The following BTG3 variants were observed in gnomAD, a reference collection of about 807,000 sequenced individuals.
BTG3 encodes protein BTG3.
A neutral mutation model predicts 25.8 loss-of-function variants in BTG3; 4 were observed. That is an observed-to-expected ratio of 0.16 (90% CI 0.08 to 0.36). The LOEUF (loss-of-function observed/expected upper bound fraction) is 0.36. Ranked by LOEUF, BTG3 falls within the 10% of genes least tolerant of loss-of-function variation. The probability of loss-of-function intolerance (pLI) is 1.00; values close to 1 mark genes in which losing one functional copy is unlikely to be tolerated. For synonymous variants in BTG3, 107 were observed against 99.9 expected, an observed-to-expected ratio of 1.07 and a Z score of -0.42; for missense variants, 201 against 304.9, an observed-to-expected ratio of 0.66 and a Z score of 2.54.
intron 3 of BTG3, among the ~76,000 whole-genome samples, chr21:17,600,918 C>T (rs2061564416): frequency 6.6e-6 from 1 of 152,164 alleles, no homozygotes; most frequent in South Asian, 2.1e-4. Flanking sequence ...AATCCCAGCA[C>T]TTTGGGAGGC....
intron 3 of BTG3, 122 bp from the exon 4 acceptor site, chr21:17,598,946 A>C (rs1010102542): frequency 5.3e-5 from 39 of 733,250 alleles, no homozygotes; most frequent in Non-Finnish European, 7.7e-5. Flanking sequence ...TCATCACAGA[A>C]CTTGACCCTA....
intron 3 of BTG3, among the ~76,000 whole-genome samples, chr21:17,602,129 TG>T (rs1273400012): frequency 1.3e-5 from 2 of 151,612 alleles, no homozygotes; most frequent in Non-Finnish European, 2.9e-5. Flanking sequence ...AACACTCTAT[TG>T]GGGGAAAAAA....
intron 3 of BTG3, among the ~76,000 whole-genome samples, chr21:17,601,612 C>T (rs2061575220): frequency 6.6e-6 from 1 of 152,220 alleles, no homozygotes; most frequent in South Asian, 2.1e-4. Context: ...TTCAAGTTTA[C>T]TTAGCATAAG....
At chr21:17,602,238 T>C (rs1167254407) in intron 3 of BTG3, among the ~76,000 whole-genome samples, 1 of 152,222 alleles carries the variant, frequency 6.6e-6, no homozygotes, top group Non-Finnish European at 1.5e-5. Context: ...AGGCAAGATT[T>C]ATTTTCTATT....
At chr21:17,597,440 T>A (rs777493722) in intron 4 of BTG3, among the ~76,000 whole-genome samples, 2 of 151,678 alleles carry the variant, frequency 1.3e-5, no homozygotes, top group Non-Finnish European at 2.9e-5. Flanking sequence ...GATCCTGAAG[T>A]ACAAATACTA....
intron 3 of BTG3, among the ~76,000 whole-genome samples, chr21:17,602,736 T>C (rs2061590071): frequency 1.3e-5 from 2 of 152,172 alleles, no homozygotes; most frequent in African/African-American, 4.8e-5. Flanking sequence ...AAGTAGCAGT[T>C]TTTTCCTACC....
intron 3 of BTG3, among the ~76,000 whole-genome samples, chr21:17,599,425 C>T (rs1260025154): frequency 1.3e-5 from 2 of 151,588 alleles, no homozygotes; most frequent in African/African-American, 4.9e-5. Flanking sequence ...AGAGATCCAC[C>T]CACTTCAGCT....
intron 2 of BTG3, among the ~76,000 whole-genome samples, chr21:17,607,667 C>T (rs768436596): frequency 3.3e-5 from 5 of 152,010 alleles, no homozygotes; most frequent in Non-Finnish European, 7.3e-5. Context: ...GAAAGGAAGT[C>T]CTTCTGACAT....
Position 17,603,334 on chromosome 21 carries a change from C to T in BTG3, c.311+1526G>A, listed in dbSNP as rs567769984. ...TCAGACCTAAATTTGAGATAGCTTG[C>T]TCCTTTTCTACCCGAGAAAGAAGTA... On this transcript the variant is annotated intron_variant, in intron 3 of 4. Coordinates refer to ENST00000348354, the MANE Select transcript of BTG3 (RefSeq NM_006806.5). Among the ~76,000 whole-genome samples, 5 of 152,138 alleles carry T rather than the reference C, an allele frequency of 3.3e-5. No homozygotes were observed. The South Asian group carries it at 8.3e-4, about 25-fold the overall frequency.
At chr21:17,603,929 A>G (rs1284778427) in intron 3 of BTG3, among the ~76,000 whole-genome samples, 1 of 152,170 alleles carries the variant, frequency 6.6e-6, no homozygotes, top group African/African-American at 2.4e-5. Context: ...TTTCTTCTCA[A>G]TTTCAAACTG....
chr21:17,608,924 C>A, intron 2 of BTG3, 48 bp downstream of exon 2: 1 of 1,567,248 alleles, frequency 6.4e-7, no homozygotes, highest in South Asian at 1.2e-5. Context: ...GCCTTGAACC[C>A]ACCTCAGGGG....
chr21:17,601,914 T>C (rs2061579225), intron 3 of BTG3, among the ~76,000 whole-genome samples: 2 of 152,188 alleles, frequency 1.3e-5, no homozygotes, highest in Admixed American at 1.3e-4. Flanking sequence ...GTTCTGCATT[T>C]TTCCCTTTGT....
chr21:17,608,985 C>T lies in BTG3; in HGVS notation c.160G>A (p.Gly54Arg). ...NHWYPEKPSK[G>R]QAYRCIRVNK... is the part of the protein sequence containing the mutation. Reference sequence around the variant, plus strand: ...CTAATCCTTTACCTGTAGGCCTGTCCTTTCGATGGTTTTTCTGGATACCAG... The same window carrying T: ...CTAATCCTTTACCTGTAGGCCTGTCTTTTCGATGGTTTTTCTGGATACCAG... The change falls in exon 2 of 5, where the codon GGA (glycine) becomes AGA (arginine). Residue 54 changes from glycine to arginine, a missense_variant. By Grantham distance (125) the Gly-to-Arg change is moderately radical. Transcript: ENST00000348354. 1 of 1,613,294 alleles carries T rather than the reference C, an allele frequency of 6.2e-7. No individual in the cohort carries two copies. The highest frequency in any genetic ancestry group is 8.5e-7 in the Non-Finnish European group (1 of 1,179,840).
At chr21:17,604,785 G>T in intron 3 of BTG3, 75 bp downstream of exon 3, 1 of 1,494,906 alleles carries the variant, frequency 6.7e-7, no homozygotes, top group Non-Finnish European at 9.0e-7. Context: ...TACACAGGCA[G>T]GCCGTACATG....
intron 3 of BTG3, chr21:17,604,134 C>G: frequency 4.7e-6 from 6 of 1,285,126 alleles, no homozygotes; most frequent in Non-Finnish European, 6.1e-6. Flanking sequence ...AAGTATCACT[C>G]AGTCACTTAC....
chr21:17,611,165 T>C (rs1429585214), intron 1 of BTG3, among the ~76,000 whole-genome samples: 1 of 152,232 alleles, frequency 6.6e-6, no homozygotes, highest in African/African-American at 2.4e-5. Context: ...GCTACGTTTA[T>C]ATTCCACCAC....
intron 1 of BTG3, chr21:17,612,357 G>A (rs1241381209): frequency 6.6e-6 from 1 of 152,258 alleles, no homozygotes; most frequent in Admixed American, 6.5e-5. Flanking sequence ...CCGACGCGAA[G>A]GGGGTGGACA....
At chr21:17,606,944 C>T (rs755412264) in intron 2 of BTG3, among the ~76,000 whole-genome samples, 2 of 152,110 alleles carry the variant, frequency 1.3e-5, no homozygotes, top group African/African-American at 4.8e-5. Context: ...TGCCAAATTG[C>T]TCTCTACAAG....
intron 3 of BTG3, among the ~76,000 whole-genome samples, chr21:17,599,243 A>T (rs907045221): frequency 1.4e-5 from 2 of 147,990 alleles, no homozygotes; most frequent in African/African-American, 5.0e-5. Context: ...TGGCACAATC[A>T]CAACTCACTG....
Sources: allele counts gnomAD v4.1 joint callset (sites outside exome capture counted in the v4.1 genomes callset), GRCh38; gene constraint gnomAD v4.1.1; transcripts MANE v1.5; gene names NCBI Gene and HGNC (gene_info 2026-07-23, HGNC 2026-07-21).